The following FAM180A variants were observed in gnomAD, a reference collection of about 807,000 sequenced individuals.
FAM180A encodes the protein family with sequence similarity 180 member A.
In FAM180A, 14 loss-of-function variants were observed where a neutral mutation model predicts 15.3. The observed-to-expected ratio is 0.92, with a 90% confidence interval of 0.61 to 1.43. FAM180A has a LOEUF of 1.43. FAM180A is among the 40% of genes most tolerant of loss of function. The pLI is 0.00. For synonymous variants in FAM180A, 90 were observed against 96.8 expected (o/e 0.93, Z 0.41); for missense variants, 200 against 220.8 (o/e 0.91, Z 0.60).
intron 1 of FAM180A, among the ~76,000 whole-genome samples, chr7:135,747,426 G>C (rs374680472): frequency 3.3e-5 from 5 of 152,234 alleles, no homozygotes; most frequent in African/African-American, 1.2e-4. Flanking sequence ...CAGCTCAAAA[G>C]ACTTATATCC....
intron 3 of FAM180A, among the ~76,000 whole-genome samples, chr7:135,732,555 T>C (rs1319151854): frequency 1.3e-5 from 2 of 152,016 alleles, no homozygotes. Context: ...TAGCCAGGTG[T>C]GGTGGTGCGC....
chr7:135,736,694 T>C (rs1284048334), intron 2 of FAM180A, among the ~76,000 whole-genome samples: 2 of 152,206 alleles, frequency 1.3e-5, no homozygotes, highest in Admixed American at 6.5e-5. Flanking sequence ...CCAGACAGCA[T>C]TGCCATCTTA....
chr7:135,748,416 G>C, intron 1 of FAM180A, 89 bp downstream of exon 1: 1 of 972,078 alleles, frequency 1.0e-6, no homozygotes, highest in Non-Finnish European at 1.7e-6. Flanking sequence ...AGAGTGCGGG[G>C]CTTCTAATGT....
In FAM180A at chr7:135,737,613, G is replaced by GAAAGA. The variant is rs1554482830; in HGVS notation, c.77-415_77-414insTCTTT. 9.7e-3 allele frequency among the ~76,000 whole-genome samples: 1,233 copies of GAAAGA among 126,506 alleles called. 18 individuals carry two copies. Among genetic ancestry groups the GAAAGA allele is most frequent in the African/African-American group, 0.029 (886 of 30,388 alleles). The allele number at this position is 126,506 out of a possible 152,430, so 83.0% of individuals were successfully genotyped here. ...AAAAAAAAAAAAAAAAAAAAAGAAAGAAAAAAAAAAGGACTGACTGGAAAG... is the reference window on the plus strand; with the variant it reads ...AAAAAAAAAAAAAAAAAAAAAGAAAGAAAGAAAAAAAAAAAGGACTGACTGGAAAG... On this transcript the variant is annotated intron_variant, in intron 1 of 3. Coordinates refer to ENST00000338588, the MANE Select transcript of FAM180A (RefSeq NM_205855.4).
chr7:135,729,962 C>A lies in FAM180A; in HGVS notation c.*649G>T. Reference sequence around the variant, plus strand: ...ATGCATGGAGTTAACACTGCTGTACCATATGCTTAAAAATGGTTAAGATGG... The same window carrying A: ...ATGCATGGAGTTAACACTGCTGTACAATATGCTTAAAAATGGTTAAGATGG... On this transcript the variant is annotated 3_prime_UTR_variant, in exon 4 of 4. Coordinates refer to ENST00000338588, the MANE Select transcript of FAM180A (RefSeq NM_205855.4). The A allele has an allele frequency of 1.1e-6, 1 of 883,834 alleles. No individual in the cohort carries two copies. Among genetic ancestry groups the A allele is most frequent in the African/African-American group, 1.8e-5 (1 of 55,156 alleles). 54.7% of individuals were successfully genotyped at this position (883,834 alleles called of 1,614,324 possible).
Position 135,733,598 on chromosome 7 carries a change from C to T in FAM180A, c.*329+48G>A, listed in dbSNP as rs114561731. On this transcript the variant is annotated intron_variant, in intron 3 of 3. Coordinates refer to ENST00000338588, the MANE Select transcript of FAM180A (RefSeq NM_205855.4). Reference sequence around the variant, plus strand: ...CTGACCTCAAATAATCCTCCTGTCTCAGCCTCCTAAAGTGCTGGGATTACA... The same window carrying T: ...CTGACCTCAAATAATCCTCCTGTCTTAGCCTCCTAAAGTGCTGGGATTACA... The T allele has an allele frequency of 1.2e-4, 112 of 959,676 alleles. 2 individuals carry two copies. The Middle Eastern group carries it at 2.1e-3, about 18-fold the overall frequency. 59.4% of individuals were successfully genotyped at this position (959,676 alleles called of 1,614,324 possible).
chr7:135,747,360 G>A (rs904810399), intron 1 of FAM180A, among the ~76,000 whole-genome samples: 3 of 152,110 alleles, frequency 2.0e-5, no homozygotes, highest in Admixed American at 2.0e-4. Context: ...AGGTTGTTAT[G>A]AGAAAAATGA....
chr7:135,747,095 G>A (rs546229220), intron 1 of FAM180A, among the ~76,000 whole-genome samples: 13 of 152,222 alleles, frequency 8.5e-5, no homozygotes, highest in East Asian at 1.9e-4. Context: ...GTGAGACTCC[G>A]TCTCAAAAAT....
chr7:135,741,084 T>G (rs1021786918), intron 1 of FAM180A, among the ~76,000 whole-genome samples: 1 of 152,192 alleles, frequency 6.6e-6, no homozygotes, highest in South Asian at 2.1e-4. Context: ...TGGAAGTTAT[T>G]TATGATCTTA....
Position 135,729,801 on chromosome 7 carries a change from A to G in FAM180A, c.*810T>C, listed in dbSNP as rs965814912. On this transcript the variant is annotated 3_prime_UTR_variant, in exon 4 of 4. Transcript: ENST00000338588. ...TGTATGAGGTATCTTAAGTAGTCAG[A>G]CTCTCAAAAACAGAAAGCAGAATAA... is the stretch of plus-strand genomic sequence containing the variant. 2.6e-5 allele frequency: 25 copies of G among 943,944 alleles called. No individual in the cohort carries two copies. The highest frequency in any genetic ancestry group is 2.9e-5 in the Non-Finnish European group (23 of 793,612). 58.5% of individuals were successfully genotyped at this position (943,944 alleles called of 1,614,324 possible).
At chr7:135,741,543 A>T (rs2129496166) in intron 1 of FAM180A, among the ~76,000 whole-genome samples, 1 of 151,432 alleles carries the variant, frequency 6.6e-6, no homozygotes, top group African/African-American at 2.4e-5. Flanking sequence ...GTAAGTGTGT[A>T]CCAGGTGTGG....
intron 2 of FAM180A, among the ~76,000 whole-genome samples, chr7:135,735,611 C>G (rs951533007): frequency 6.6e-6 from 1 of 152,220 alleles, no homozygotes; most frequent in East Asian, 1.9e-4. Context: ...CAAGACTAGG[C>G]AAAGACTCTG....
chr7:135,737,315 G>A (rs1198314559), intron 1 of FAM180A, 116 bp from the exon 2 acceptor site: 20 of 759,698 alleles, frequency 2.6e-5, no homozygotes, highest in Non-Finnish European at 8.2e-6. Context: ...GGCCAGGCAC[G>A]GTGGCTCATG....
chr7:135,729,879 G>A lies in FAM180A; in HGVS notation c.*732C>T. On this transcript the variant is annotated 3_prime_UTR_variant, in exon 4 of 4. Transcript: ENST00000338588. The stretch of plus-strand genomic sequence containing the variant: ...GGAAGGGGAAAAGAGGAGTTGTTCG[G>A]TGGGTATAGAACTTCAGAATTACAA... The A allele has an allele frequency of 1.4e-6, 1 of 700,656 alleles. No homozygotes were observed. Among genetic ancestry groups the A allele is most frequent in the Non-Finnish European group, 1.8e-6 (1 of 570,230 alleles). 43.4% of individuals were successfully genotyped at this position (700,656 alleles called of 1,614,324 possible).
In FAM180A at chr7:135,734,307, C is replaced by A; in HGVS notation, c.190G>T (p.Glu64Ter). ...TGCAGGTCAGGGCTGATCTCAAGTT[C>A]GGCCAGCAGGAACTGGTGAGAAATG... is the stretch of plus-strand genomic sequence containing the variant. ...VELLYEFLLAELEISPDLQIS... is the reference protein window; with the variant it reads ...VELLYEFLLA The change falls in exon 3 of 4, where the codon GAA becomes TAA. Residue 64 changes from glutamate (E) to a stop codon, truncating the protein, a stop_gained. Transcript: ENST00000338588. LOFTEE classifies it high-confidence loss of function. 2 of 1,592,902 alleles carry A rather than the reference C, an allele frequency of 1.3e-6. No individual in the cohort carries two copies. The highest frequency in any genetic ancestry group is 2.3e-5 in the South Asian group (2 of 88,730).
rs1314707816 is a variant in FAM180A, at chr7:135,734,038, A to G, written c.459T>C (p.Val153=). The G allele has an allele frequency of 1.2e-6, 2 of 1,614,084 alleles. No homozygotes were observed. Among genetic ancestry groups the G allele is most frequent in the Non-Finnish European group, 1.7e-6 (2 of 1,180,034 alleles). ...HQKDIWAQSL[V]SLFQALRHDL... is the part of the protein sequence containing the mutation. ...CGTGCCTCAGGGCCTGGAAGAGGCT[A>G]ACGAGGGACTGCGCCCAGATGTCCT... Residue 153 remains valine, a synonymous_variant, in exon 3 of 4, where the codon GTT becomes GTC. Transcript: ENST00000338588.
chr7:135,744,309 A>G (rs544408639), intron 1 of FAM180A, among the ~76,000 whole-genome samples: 11 of 152,338 alleles, frequency 7.2e-5, no homozygotes, highest in African/African-American at 2.2e-4. Context: ...TTTGTGGCAA[A>G]GAGCTTGTTG....
intron 1 of FAM180A, among the ~76,000 whole-genome samples, chr7:135,742,834 T>C (rs1796971074): frequency 6.6e-6 from 1 of 152,212 alleles, no homozygotes; most frequent in Non-Finnish European, 1.5e-5. Flanking sequence ...ATATGAACTT[T>C]CCATTTTATA....
chr7:135,734,434 CAAGA>C, intron 2 of FAM180A, 115 bp from the exon 3 acceptor site: 10 of 953,026 alleles, frequency 1.0e-5, no homozygotes, highest in Non-Finnish European at 1.5e-5. Context: ...CTTTGGAACT[CAAGA>C]GAGTTCCAGT....
Sources: allele counts gnomAD v4.1 joint callset (sites outside exome capture counted in the v4.1 genomes callset), GRCh38; gene constraint gnomAD v4.1.1; transcripts MANE v1.5; gene names NCBI Gene and HGNC (gene_info 2026-07-23, HGNC 2026-07-21).